Variants in GTSF1 observed in about 807,000 individuals in gnomAD.
GTSF1 encodes the protein gametocyte specific factor 1, also known as gametocyte-specific factor 1.
GTSF1 carries 11 observed loss-of-function variants against 28.9 expected under a neutral mutation model. That is an observed-to-expected ratio of 0.38 (90% CI 0.24 to 0.63). GTSF1 has a LOEUF of 0.63. Ranked by LOEUF, GTSF1 falls within the 30% of genes least tolerant of loss-of-function variation. The pLI, the probability that GTSF1 is intolerant of heterozygous loss-of-function variation, is 0.56. For missense variants in GTSF1, 146 were observed against 201.0 expected (o/e 0.73, Z 1.66); for synonymous variants, 69 against 65.6 (o/e 1.05, Z -0.25).
At chr12:54,467,315 G>GTT (rs1407749508) in intron 2 of GTSF1, among the ~76,000 whole-genome samples, 3 of 146,044 alleles carry the variant, frequency 2.1e-5, no homozygotes, top group African/African-American at 2.6e-5. Flanking sequence ...TGTTTTTTTT[G>GTT]TTTTTTGTTT....
intron 2 of GTSF1, 104 bp downstream of exon 2, chr12:54,471,129 G>T: frequency 2.5e-6 from 2 of 809,440 alleles, no homozygotes; most frequent in South Asian, 5.2e-5. Context: ...CTCCTTAGCA[G>T]TTGAGAAGTC....
intron 8 of GTSF1, among the ~76,000 whole-genome samples, chr12:54,456,695 A>G (rs1032665739): frequency 1.3e-5 from 2 of 152,184 alleles, no homozygotes; most frequent in African/African-American, 4.8e-5. Flanking sequence ...AAAACATTTC[A>G]CTCACACTTA....
At chr12:54,464,347 A>G (rs1956474921) in intron 3 of GTSF1, among the ~76,000 whole-genome samples, 1 of 152,200 alleles carries the variant, frequency 6.6e-6, no homozygotes, top group Non-Finnish European at 1.5e-5. Context: ...GGAGCTGGAG[A>G]AATAACAAAG....
intron 2 of GTSF1, among the ~76,000 whole-genome samples, chr12:54,470,921 T>C (rs1234937735): frequency 2.0e-5 from 3 of 152,206 alleles, no homozygotes; most frequent in Non-Finnish European, 4.4e-5. Flanking sequence ...AACATTATTA[T>C]ATATTACTCC....
chr12:54,459,812 C>T (rs993914197), intron 7 of GTSF1, among the ~76,000 whole-genome samples: 9 of 120,514 alleles, frequency 7.5e-5, no homozygotes, highest in Non-Finnish European at 1.2e-4. Context: ...CTGCAAGCTC[C>T]GCCTCCCGGG....
intron 7 of GTSF1, 132 bp downstream of exon 7, chr12:54,460,245 C>T: frequency 3.0e-6 from 2 of 656,752 alleles, no homozygotes; most frequent in Non-Finnish European, 5.4e-6. Context: ...TAGGGCATAA[C>T]ATTTAAGGAG....
Position 54,465,116 on chromosome 12 carries a change from T to TG in GTSF1, c.67dup (p.His23ProfsTer21). 6.2e-7 allele frequency: 1 copy of TG among 1,613,608 alleles called. No homozygotes were observed. The highest frequency in any genetic ancestry group is 8.5e-7 in the Non-Finnish European group (1 of 1,179,630). On this transcript the variant is annotated frameshift_variant, in exon 3 of 9. Transcript: ENST00000305879. LOFTEE classifies it high-confidence loss of function. ...AGGAAACCTGCAAGCCCTGATTTGA[T>TG]GGTTTTTGTCATAGGGGCATTGCAA... is the stretch of plus-strand genomic sequence containing the variant.
At position 54,467,922 on chromosome 12, in the gene GTSF1, C is replaced by T. The variant is rs139894691; in HGVS notation, c.17-2755G>A. Reference sequence around the variant, plus strand: ...CCAAATAGCTGGGATTACAGGCACCCGCCACCATGCCTGGCTAATTTTTTT... The same window carrying T: ...CCAAATAGCTGGGATTACAGGCACCTGCCACCATGCCTGGCTAATTTTTTT... On this transcript the variant is annotated intron_variant, in intron 2 of 8. Transcript: ENST00000305879. Among the ~76,000 whole-genome samples the T allele has an allele frequency of 4.1e-4, 62 of 151,510 alleles. No individual in the cohort carries two copies. The East Asian group carries it at 0.011, about 28-fold the overall frequency.
intron 1 of GTSF1, among the ~76,000 whole-genome samples, chr12:54,471,486 T>A (rs1332206483): frequency 6.6e-6 from 1 of 152,138 alleles, no homozygotes; most frequent in Non-Finnish European, 1.5e-5. Flanking sequence ...ATTCTTGGAA[T>A]AAATTCTAGG....
intron 2 of GTSF1, among the ~76,000 whole-genome samples, chr12:54,468,225 G>T (rs752410912): frequency 6.6e-6 from 1 of 152,082 alleles, no homozygotes; most frequent in Non-Finnish European, 1.5e-5. Context: ...TGCTTCCTGG[G>T]TACAAGTGAT....
At position 54,466,350 on chromosome 12, in the gene GTSF1, G is replaced by C. The variant is rs74089996; in HGVS notation, c.17-1183C>G. ...GCTAGGAAAATCAGAAGCCAGTGGG[G>C]AATTGAAACAGACAGTTTCACTGGA... On this transcript the variant is annotated intron_variant, in intron 2 of 8. Transcript: ENST00000305879. 1.9e-3 allele frequency among the ~76,000 whole-genome samples: 285 copies of C among 152,318 alleles called. 1 individual carries two copies. Among genetic ancestry groups the C allele is most frequent in the African/African-American group, 6.6e-3 (275 of 41,562 alleles).
intron 4 of GTSF1, 87 bp from the exon 5 acceptor site, chr12:54,462,812 G>T: frequency 9.6e-7 from 1 of 1,045,892 alleles, no homozygotes; most frequent in Non-Finnish European, 1.4e-6. Context: ...AGGTTGCAAG[G>T]GTAGCCTGTT....
In GTSF1 at chr12:54,462,704, C is replaced by T; in HGVS notation, c.266G>A (p.Arg89Lys). 1 of 1,614,010 alleles carries T rather than the reference C, an allele frequency of 6.2e-7. No individual in the cohort carries two copies. The highest frequency in any genetic ancestry group is 1.3e-5 in the African/African-American group (1 of 75,044). ...AGTGCTCTCAGCCAGAGTCTCTTGT[C>T]TAAGGCTCCTGGTTTGGTTGACTGC... The part of the protein sequence containing the change: ...QDVVNQTRSL[R>K]QETLAESTWQ... Residue 89 changes from arginine (R) to lysine (K), a missense_variant, in exon 5 of 9, where the codon AGA becomes AAA. Transcript: ENST00000305879.
At chr12:54,462,476 C>G (rs370179507) in intron 5 of GTSF1, among the ~76,000 whole-genome samples, 166 bp downstream of exon 5, 2 of 152,174 alleles carry the variant, frequency 1.3e-5, no homozygotes, top group Non-Finnish European at 2.9e-5. Flanking sequence ...GGCTGTTCCA[C>G]GTGTCTGCAC....
Position 54,468,422 on chromosome 12 carries a change from A to G in GTSF1, c.16+2811T>C, listed in dbSNP as rs946101788. 3.3e-5 allele frequency among the ~76,000 whole-genome samples: 5 copies of G among 152,296 alleles called. 1 individual carries two copies. The highest frequency in any genetic ancestry group is 3.3e-4 in the Admixed American group (5 of 15,296). ...AGGCATAAGCCACCGTGCCCGGCCA[A>G]TGTATGAGTATTTCTCTTGGATAAA... On this transcript the variant is annotated intron_variant, in intron 2 of 8. Transcript: ENST00000305879.
chr12:54,457,041 C>T (rs928427078), intron 8 of GTSF1, among the ~76,000 whole-genome samples: 3 of 152,122 alleles, frequency 2.0e-5, no homozygotes, highest in Non-Finnish European at 4.4e-5. Context: ...GCCGAGATTG[C>T]GCCACTGCAC....
In GTSF1 at chr12:54,471,262, A is replaced by C. The variant is rs1956590564; in HGVS notation, c.-14T>G. The C allele has an allele frequency of 6.3e-7, 1 of 1,592,092 alleles. No individual in the cohort carries two copies. The highest frequency in any genetic ancestry group is 1.4e-5 in the African/African-American group (1 of 73,852). ...AGTTTCTTCCATGTTGGAAATGAAG[A>C]AGCTGAATCCAAGTGCTGGAAAAAA... On this transcript the variant is annotated 5_prime_UTR_variant, in exon 2 of 9. Coordinates refer to ENST00000305879, the MANE Select transcript of GTSF1 (RefSeq NM_144594.3).
At chr12:54,462,052 G>C (rs373647650) in intron 6 of GTSF1, 57 bp downstream of exon 6, 1 of 1,315,294 alleles carries the variant, frequency 7.6e-7, no homozygotes, top group African/African-American at 1.5e-5. Flanking sequence ...GGCTTCTCTT[G>C]GTAACAGAAC....
At chr12:54,465,504 A>G (rs1344786655) in intron 2 of GTSF1, among the ~76,000 whole-genome samples, 1 of 152,096 alleles carries the variant, frequency 6.6e-6, no homozygotes, top group African/African-American at 2.4e-5. Context: ...GGTTATTCCT[A>G]TTCTCTAGCT....
Sources: allele counts gnomAD v4.1 joint callset (sites outside exome capture counted in the v4.1 genomes callset), GRCh38; gene constraint gnomAD v4.1.1; transcripts MANE v1.5; gene names NCBI Gene and HGNC (gene_info 2026-07-23, HGNC 2026-07-21).